Variants in ADORA2B observed in about 807,000 individuals in gnomAD.
ADORA2B encodes adenosine A2b receptor, also known as adenosine receptor A2b.
A neutral mutation model predicts 20.8 loss-of-function variants in ADORA2B; 18 were observed. That is an observed-to-expected ratio of 0.87 (90% confidence interval 0.60 to 1.29). ADORA2B has a LOEUF of 1.29. Ranked by LOEUF, ADORA2B falls within the 50% of genes most tolerant of loss-of-function variation. The pLI is 0.00. For missense variants in ADORA2B, 441 were observed against 422.7 expected (o/e 1.04, Z -0.38); for synonymous variants, 179 against 178.3 (o/e 1.00, Z -0.03).
the ADORA2B span, among the ~76,000 whole-genome samples, chr17:15,884,272 CTT>C: frequency 1.3e-5 from 2 of 152,224 alleles, no homozygotes; most frequent in Admixed American, 6.5e-5. Flanking sequence ...CCTGTAGAAC[CTT>C]CTGTGATGAT....
chr17:15,952,702 C>T (rs901481321), intron 1 of ADORA2B, among the ~76,000 whole-genome samples: 1 of 152,178 alleles, frequency 6.6e-6, no homozygotes, highest in African/African-American at 2.4e-5. Flanking sequence ...TAAGCCCTGG[C>T]CAATGTGAAT....
chr17:15,861,130 A>G, the ADORA2B span, among the ~76,000 whole-genome samples: 75 of 152,330 alleles, frequency 4.9e-4, no homozygotes, highest in Admixed American at 4.2e-3. Context: ...AATAATTAAG[A>G]TGCAGTGCCC....
the ADORA2B span, among the ~76,000 whole-genome samples, chr17:15,902,529 A>G: frequency 6.6e-5 from 10 of 152,166 alleles, no homozygotes; most frequent in Admixed American, 2.6e-4. Context: ...AATATCCCAA[A>G]TATCCCATTG....
chr17:15,937,394 G>A, the ADORA2B span, among the ~76,000 whole-genome samples: 4,033 of 152,252 alleles, frequency 0.026, 191 homozygotes, highest in African/African-American at 0.092. Flanking sequence ...GACTTAGTGT[G>A]TGTGTTGGGG....
chr17:15,878,496 G>A, the ADORA2B span, among the ~76,000 whole-genome samples: 57 of 152,290 alleles, frequency 3.7e-4, 1 homozygote, highest in South Asian at 0.012. Context: ...TTGTCGTCAT[G>A]ATTTTTATGC....
At chr17:15,955,548 A>C (rs1969955987) in intron 1 of ADORA2B, among the ~76,000 whole-genome samples, 1 of 151,722 alleles carries the variant, frequency 6.6e-6, no homozygotes, top group Non-Finnish European at 1.5e-5. Flanking sequence ...CTGGGACTAC[A>C]GGCATGTACC....
chr17:15,895,536 A>G, the ADORA2B span, among the ~76,000 whole-genome samples: 6 of 152,180 alleles, frequency 3.9e-5, no homozygotes, highest in East Asian at 9.6e-4. Flanking sequence ...GGGGTCGTCC[A>G]TGATCCATGC....
At chr17:15,929,525 C>G in the ADORA2B span, among the ~76,000 whole-genome samples, 1 of 152,170 alleles carries the variant, frequency 6.6e-6, no homozygotes, top group Non-Finnish European at 1.5e-5. Context: ...ACTGTGCTCT[C>G]CTCCCTCCAC....
chr17:15,920,510 C>G, the ADORA2B span, among the ~76,000 whole-genome samples: 1 of 152,122 alleles, frequency 6.6e-6, no homozygotes, highest in African/African-American at 2.4e-5. Flanking sequence ...ATCACAAGGT[C>G]AAGAGATTGA....
chr17:15,953,560 C>T (rs1969932434), intron 1 of ADORA2B, among the ~76,000 whole-genome samples: 1 of 152,210 alleles, frequency 6.6e-6, no homozygotes, highest in Non-Finnish European at 1.5e-5. Flanking sequence ...GTGGCTCATG[C>T]CAGCCTTCTC....
intron 1 of ADORA2B, among the ~76,000 whole-genome samples, chr17:15,970,094 C>T (rs138144166): frequency 3.3e-5 from 5 of 152,346 alleles, no homozygotes; most frequent in East Asian, 1.9e-4. Context: ...TTTGGTATAG[C>T]GGAACCCGTC....
the ADORA2B span, among the ~76,000 whole-genome samples, chr17:15,939,754 G>A: frequency 6.6e-6 from 1 of 151,588 alleles, no homozygotes; most frequent in Non-Finnish European, 1.5e-5. Flanking sequence ...CCAGCTACTT[G>A]GGAGGCTGAG....
chr17:15,965,084 A>T (rs761259512), intron 1 of ADORA2B, among the ~76,000 whole-genome samples: 1 of 152,174 alleles, frequency 6.6e-6, no homozygotes, highest in Non-Finnish European at 1.5e-5. Context: ...AAAATTTCAT[A>T]GTTTGATCCC....
chr17:15,862,756 C>T, the ADORA2B span, among the ~76,000 whole-genome samples: 5 of 151,334 alleles, frequency 3.3e-5, no homozygotes, highest in Non-Finnish European at 5.9e-5. Flanking sequence ...ACAATATGAA[C>T]GTATTGTTTA....
upstream of ADORA2B, among the ~76,000 whole-genome samples, chr17:15,944,515 A>C (rs1352070389): frequency 6.6e-6 from 1 of 152,118 alleles, no homozygotes; most frequent in Non-Finnish European, 1.5e-5. The surrounding 1 kb of genome is among the most constrained non-coding windows in gnomAD (Gnocchi z 4.8). Flanking sequence ...CCGTAGGGGC[A>C]GTGGCGCGGG....
the ADORA2B span, among the ~76,000 whole-genome samples, chr17:15,936,117 C>A: frequency 4.6e-5 from 7 of 151,900 alleles, no homozygotes; most frequent in African/African-American, 1.4e-4. Flanking sequence ...CCTTGAGTGA[C>A]CTGCCCTTCT....
the ADORA2B span, among the ~76,000 whole-genome samples, chr17:15,926,736 C>T: frequency 6.6e-6 from 1 of 151,998 alleles, no homozygotes; most frequent in Non-Finnish European, 1.5e-5. Context: ...GTTGGGAGGC[C>T]GAGGTGGGAG....
the ADORA2B span, among the ~76,000 whole-genome samples, chr17:15,854,894 C>G: frequency 6.6e-6 from 1 of 151,592 alleles, no homozygotes; most frequent in African/African-American, 2.4e-5. Context: ...ATGTACCAGG[C>G]CATGTTTTGA....
At chr17:15,882,244 C>G in the ADORA2B span, among the ~76,000 whole-genome samples, 1 of 152,084 alleles carries the variant, frequency 6.6e-6, no homozygotes, top group Non-Finnish European at 1.5e-5. Flanking sequence ...GCCAGCATGC[C>G]CCCTGGAGGT....
Sources: gnomAD v4.1 joint callset for allele counts (sites outside exome capture counted in the v4.1 genomes callset) on GRCh38, gnomAD v4.1.1 for gene constraint, Gnocchi (gnomAD v3.1) non-coding constraint, MANE v1.5 for transcripts, NCBI Gene and HGNC (gene_info 2026-07-23, HGNC 2026-07-21) for gene names.